The following TNFRSF10B variants were observed in gnomAD, a reference collection of about 807,000 sequenced individuals.
The protein encoded by TNFRSF10B is tumor necrosis factor receptor superfamily member 10B.
Under a neutral mutation model 41.4 loss-of-function variants are expected in TNFRSF10B, and 35 were observed. That is an observed-to-expected ratio of 0.85 (90% CI 0.65 to 1.12). The LOEUF (loss-of-function observed/expected upper bound fraction) is 1.12. Among genes scored for constraint, TNFRSF10B ranks in the 50% most tolerant of loss-of-function variants. The pLI, the probability that TNFRSF10B is intolerant of heterozygous loss-of-function variation, is 0.00. For synonymous variants in TNFRSF10B, 230 were observed against 215.5 expected, an observed-to-expected ratio of 1.07 and a Z score of -0.59; for missense variants, 584 against 552.7, an observed-to-expected ratio of 1.06 and a Z score of -0.57.
At chr8:23,042,864 C>A (rs765451820) in intron 2 of TNFRSF10B, 6 of 369,678 alleles carry the variant, frequency 1.6e-5, no homozygotes, top group Non-Finnish European at 3.0e-5. Context: ...CGGATGTCAG[C>A]CCAAAGTCAC....
chr8:23,049,057 G>A (rs1812445067), intron 1 of TNFRSF10B, among the ~76,000 whole-genome samples: 1 of 152,162 alleles, frequency 6.6e-6, no homozygotes, highest in Non-Finnish European at 1.5e-5. Flanking sequence ...ACAACAGCAT[G>A]GAAAATAACA....
chr8:23,022,585 A>C lies in TNFRSF10B; in HGVS notation c.*86T>G. 6.9e-7 allele frequency: 1 copy of C among 1,441,212 alleles called. No individual in the cohort carries two copies. Among genetic ancestry groups the C allele is most frequent in the Non-Finnish European group, 9.7e-7 (1 of 1,033,024 alleles). 89.3% of individuals were successfully genotyped at this position (1,441,212 alleles called of 1,614,324 possible). A position where few individuals can be genotyped will look rare whatever the true frequency, so the allele number is the denominator to read the frequency against. ...GTACCGGTCATGTGACAATTGTGGC[A>C]CTTTCCTACTGACTGGAGTCCAGTT... On this transcript the variant is annotated 3_prime_UTR_variant, in exon 9 of 9. Coordinates refer to ENST00000276431, the MANE Select transcript of TNFRSF10B (RefSeq NM_003842.5).
At chr8:23,061,456 T>A (rs1230641694) in intron 1 of TNFRSF10B, among the ~76,000 whole-genome samples, 3 of 152,198 alleles carry the variant, frequency 2.0e-5, no homozygotes, top group African/African-American at 4.8e-5. Flanking sequence ...TCTTTTGGAT[T>A]TTTTACCAGT....
At chr8:23,032,099 G>T (rs1473612208) in intron 2 of TNFRSF10B, among the ~76,000 whole-genome samples, 1 of 151,948 alleles carries the variant, frequency 6.6e-6, no homozygotes, top group East Asian at 1.9e-4. Context: ...TAGAGACGGG[G>T]TTTCACCATC....
chr8:23,038,480 T>A (rs540375556), intron 2 of TNFRSF10B, among the ~76,000 whole-genome samples: 1 of 152,370 alleles, frequency 6.6e-6, no homozygotes, highest in South Asian at 2.1e-4. Flanking sequence ...TGTGTGTGTT[T>A]ATGTGTAAAT....
intron 1 of TNFRSF10B, among the ~76,000 whole-genome samples, chr8:23,058,491 CT>C (rs113413155): frequency 8.9e-4 from 129 of 145,422 alleles, no homozygotes; most frequent in African/African-American, 2.3e-3. Context: ...TGTGTATTGG[CT>C]TTTTTTTTTT....
intron 1 of TNFRSF10B, among the ~76,000 whole-genome samples, chr8:23,061,759 A>G (rs1002047978): frequency 6.6e-6 from 1 of 152,158 alleles, no homozygotes; most frequent in Non-Finnish European, 1.5e-5. Context: ...TTTGAATTTT[A>G]TCAGAGGCTT....
chr8:23,041,017 G>A (rs1298123496), intron 2 of TNFRSF10B, among the ~76,000 whole-genome samples: 1 of 151,262 alleles, frequency 6.6e-6, no homozygotes, highest in East Asian at 1.9e-4. Flanking sequence ...TACAAAATAG[G>A]AAACCACAAA....
At chr8:23,042,512 A>T (rs1812231869) in intron 2 of TNFRSF10B, among the ~76,000 whole-genome samples, 1 of 152,114 alleles carries the variant, frequency 6.6e-6, no homozygotes, top group African/African-American at 2.4e-5. Flanking sequence ...ACGGGACACC[A>T]CATAACATCC....
chr8:23,044,447 T>TA (rs1355928125), intron 1 of TNFRSF10B, among the ~76,000 whole-genome samples: 1 of 152,074 alleles, frequency 6.6e-6, no homozygotes, highest in Non-Finnish European at 1.5e-5. Flanking sequence ...CTAAAATATA[T>TA]AAAAAACTCC....
chr8:23,049,761 G>A (rs1812466294), intron 1 of TNFRSF10B: 1 of 151,896 alleles, frequency 6.6e-6, no homozygotes, highest in African/African-American at 2.4e-5. Flanking sequence ...TCTCATTATT[G>A]GGCAGTGAGA....
intron 8 of TNFRSF10B, among the ~76,000 whole-genome samples, chr8:23,023,242 G>A (rs543771656): frequency 1.4e-3 from 212 of 152,330 alleles, no homozygotes; most frequent in African/African-American, 5.0e-3. Flanking sequence ...CCCACCAGGG[G>A]AGTATGGATG....
In TNFRSF10B at chr8:23,022,680, GGCA is replaced by G. The variant is rs769907871; in HGVS notation, c.1311_1313del (p.Ala438del). ...CTGAAGAGAATCACACTTAGGACAT[GGCA>G]GAGTCTGCATTACCTTCTAGATACA... On this transcript the variant is annotated inframe_deletion, in exon 9 of 9. Transcript: ENST00000276431. The G allele has an allele frequency of 7.4e-6, 12 of 1,613,888 alleles. No homozygotes were observed. The African/African-American group carries it at 1.3e-4, about 18-fold the overall frequency.
chr8:23,068,280 G>T lies in TNFRSF10B; in HGVS notation c.144+471C>A, dbSNP rs920408384. On this transcript the variant is annotated intron_variant, in intron 1 of 8. Transcript: ENST00000276431. ...ACCACAGGGGAGTTCTTCGCCGGCC[G>T]CAGGTTCAAAGCGATCTGCAATGAG... 4 of 177,390 alleles carry T rather than the reference G, an allele frequency of 2.3e-5. No individual in the cohort carries two copies. In the South Asian group the frequency reaches 4.4e-4, roughly 19 times the overall value. The allele number at this position is 177,390 out of a possible 1,614,324, so 11.0% of individuals were successfully genotyped here.
chr8:23,030,566 T>C (rs1811850196), intron 3 of TNFRSF10B, among the ~76,000 whole-genome samples, 193 bp downstream of exon 3: 1 of 152,004 alleles, frequency 6.6e-6, no homozygotes. Context: ...CCCAAAGTGT[T>C]GAGATTACAG....
At chr8:23,065,377 T>C (rs1268586542) in intron 1 of TNFRSF10B, among the ~76,000 whole-genome samples, 2 of 152,170 alleles carry the variant, frequency 1.3e-5, no homozygotes, top group African/African-American at 2.4e-5. Flanking sequence ...AGAGGCCAAG[T>C]GCAGGGCAGA....
At chr8:23,053,820 AT>A (rs1168996341) in intron 1 of TNFRSF10B, among the ~76,000 whole-genome samples, 3 of 152,254 alleles carry the variant, frequency 2.0e-5, no homozygotes, top group African/African-American at 7.2e-5. Context: ...TACAGGAAGC[AT>A]TGTCAAACAT....
At chr8:23,065,389 A>G (rs1358319265) in intron 1 of TNFRSF10B, among the ~76,000 whole-genome samples, 2 of 152,172 alleles carry the variant, frequency 1.3e-5, no homozygotes, top group African/African-American at 4.8e-5. Flanking sequence ...CAGGGCAGAG[A>G]CTGGGAGAAG....
At chr8:23,032,361 A>G (rs1338167144) in intron 2 of TNFRSF10B, among the ~76,000 whole-genome samples, 1 of 152,250 alleles carries the variant, frequency 6.6e-6, no homozygotes, top group African/African-American at 2.4e-5. Flanking sequence ...AGCCATGGGA[A>G]GAAAACGGGA....
Sources: allele counts gnomAD v4.1 joint callset (sites outside exome capture counted in the v4.1 genomes callset), GRCh38; gene constraint gnomAD v4.1.1; transcripts MANE v1.5; gene names NCBI Gene and HGNC (gene_info 2026-07-23, HGNC 2026-07-21).